Variants in WDR35 observed in about 807,000 individuals in gnomAD.
WDR35 encodes the protein WD repeat-containing protein 35.
WDR35 carries 118 observed loss-of-function variants against 158.3 expected under a neutral mutation model. The ratio of observed to expected loss-of-function variants is 0.75; its 90% CI spans 0.64 to 0.87. The LOEUF is 0.87. Among genes scored for constraint, WDR35 ranks in the 40% least tolerant of loss-of-function variants. WDR35 has a pLI of 0.00. For missense variants in WDR35, 1,263 were observed against 1,405.8 expected, an observed-to-expected ratio of 0.90 and a Z score of 1.62; for synonymous variants, 448 against 476.1, an observed-to-expected ratio of 0.94 and a Z score of 0.77.
intron 10 of WDR35, among the ~76,000 whole-genome samples, chr2:19,965,678 G>C (rs1248656489): frequency 6.6e-6 from 1 of 152,206 alleles, no homozygotes; most frequent in Non-Finnish European, 1.5e-5. Context: ...CTTCAGCGCA[G>C]AGACTCTTTG....
At chr2:19,916,738 T>C (rs563568506) in intron 25 of WDR35, among the ~76,000 whole-genome samples, 11 of 152,308 alleles carry the variant, frequency 7.2e-5, no homozygotes, top group Non-Finnish European at 1.0e-4. Context: ...CAGGGACTTA[T>C]AGATAAAACT....
Position 19,969,748 on chromosome 2 carries a change from A to AT in WDR35, c.883-144dup, listed in dbSNP as rs61079224. The AT allele has an allele frequency of 0.14, 84,783 of 607,242 alleles. 2 individuals are homozygous for AT. Among genetic ancestry groups the AT allele is most frequent in the Non-Finnish European group, 0.15 (61,088 of 395,272 alleles). 37.6% of individuals were successfully genotyped at this position (607,242 alleles called of 1,614,324 possible). On this transcript the variant is annotated intron_variant, in intron 8 of 26. Coordinates refer to ENST00000281405, the MANE Select transcript of WDR35 (RefSeq NM_020779.4). ...GTCACTTTAAAATCATGTTTCTTGA[A>AT]TTTTTTTTTTTTTTTTTGAGACGGA...
chr2:19,956,820 C>T (rs1325903561), intron 11 of WDR35, among the ~76,000 whole-genome samples: 1 of 151,864 alleles, frequency 6.6e-6, no homozygotes, highest in African/African-American at 2.4e-5. Context: ...GGGGTTTCAC[C>T]GTGTTAGCCA....
intron 9 of WDR35, among the ~76,000 whole-genome samples, 182 bp from the exon 10 acceptor site, chr2:19,967,091 G>A (rs906991660): frequency 5.3e-5 from 8 of 152,096 alleles, no homozygotes; most frequent in Non-Finnish European, 1.0e-4. Flanking sequence ...AAATAATAGA[G>A]ATTTATAAAA....
intron 11 of WDR35, 34 bp downstream of exon 11, chr2:19,960,520 A>G (rs374695415): frequency 3.6e-5 from 56 of 1,543,164 alleles, no homozygotes; most frequent in Non-Finnish European, 4.8e-5. Context: ...ATAAAACCTG[A>G]TTGGAAAAGA....
intron 15 of WDR35, 126 bp from the exon 16 acceptor site, chr2:19,946,122 T>C (rs768761627): frequency 2.2e-5 from 23 of 1,039,132 alleles, no homozygotes; most frequent in Non-Finnish European, 3.2e-5. Context: ...ACAGTAGAAA[T>C]GGCTTAAAAT....
rs1016801756 is a variant in WDR35 at position 19,911,479 on chromosome 2, G to C, written c.*2079C>G. The C allele has an allele frequency of 6.6e-6, 1 of 152,158 alleles. No individual in the cohort carries two copies. Among genetic ancestry groups the C allele is most frequent in the Non-Finnish European group, 1.5e-5 (1 of 68,018 alleles). 9.4% of individuals were successfully genotyped at this position (152,158 alleles called of 1,614,324 possible). ...ATAGTCTCATCCCTAAAAACAGAAA[G>C]TCCTGTGGAAAGATGCAAGTTCAAC... On this transcript the variant is annotated 3_prime_UTR_variant, in exon 27 of 27. Coordinates refer to ENST00000281405, the MANE Select transcript of WDR35 (RefSeq NM_020779.4).
chr2:19,982,874 T>C (rs1002465450), intron 2 of WDR35, among the ~76,000 whole-genome samples: 3 of 152,174 alleles, frequency 2.0e-5, no homozygotes, highest in Admixed American at 6.5e-5. Flanking sequence ...CAAAAGAGCA[T>C]AGACTTTGAA....
rs549648027 is a variant in WDR35, at chr2:19,945,912, T to C, written c.1719A>G (p.Val573=). ...GTTCCAATTTTAACAACTCTCCAAC[T>C]ACTTGCTGTCCCGTACTGTCCGTTA... ...ARVTDSTGQQ[V]VGELLKLERR... is the part of the protein sequence containing the mutation. The change falls in exon 16 of 27, where the codon GTA becomes GTG. Residue 573 remains valine, a synonymous_variant. Transcript: ENST00000281405. 6.2e-7 allele frequency: 1 copy of C among 1,614,028 alleles called. No homozygotes were observed. Among genetic ancestry groups the C allele is most frequent in the Admixed American group, 1.7e-5 (1 of 60,024 alleles).
intron 1 of WDR35, 34 bp from the exon 2 acceptor site, chr2:19,989,316 T>C (rs749376887): frequency 3.2e-6 from 5 of 1,577,360 alleles, no homozygotes; most frequent in Non-Finnish European, 1.7e-6. Context: ...CTAGCAACTT[T>C]TCACGAAGGA....
chr2:19,919,158 G>A (rs11096630), intron 25 of WDR35, among the ~76,000 whole-genome samples: 147,615 of 152,136 alleles, frequency 0.97, 71,759 homozygotes, highest in East Asian at 1. Flanking sequence ...AGGCGGGTGG[G>A]TCACGAGGTC....
intron 11 of WDR35, among the ~76,000 whole-genome samples, chr2:19,959,764 T>C (rs1303778271): frequency 6.6e-6 from 1 of 152,068 alleles, no homozygotes; most frequent in Non-Finnish European, 1.5e-5. Flanking sequence ...AAAAAATGAC[T>C]AGTTCTCAGG....
In WDR35 at chr2:19,966,803, T is replaced by A. The variant is rs753429172; in HGVS notation, c.1115A>T (p.Tyr372Phe). The A allele has an allele frequency of 6.2e-7, 1 of 1,613,996 alleles. No homozygotes were observed. The highest frequency in any genetic ancestry group is 1.7e-5 in the Admixed American group (1 of 60,028). ...DTKNNEKYVKYVKGLISITTC... is the reference protein window; with the variant it reads ...DTKNNEKYVKFVKGLISITTC... ...AGTAATAGAAATGAGACCCTTCACA[T>A]ATTTAACATATTTTTCATTGTTTTT... Residue 372 changes from tyrosine (Y) to phenylalanine (F), a missense_variant, in exon 10 of 27, where the codon TAT becomes TTT. Coordinates refer to ENST00000281405, the MANE Select transcript of WDR35 (RefSeq NM_020779.4).
At position 19,914,110 on chromosome 2, in the gene WDR35, G is replaced by A; in HGVS notation, c.3289C>T (p.Leu1097Phe). The change falls in exon 26 of 27, where the codon CTT (leucine) becomes TTT (phenylalanine). Residue 1097 changes from leucine (L) to phenylalanine (F), a missense_variant. By Grantham distance (22) the Leu-to-Phe change is conservative. Transcript: ENST00000281405. ...SSEQKQQYED[L>F]ALEIFTKHTS... The stretch of plus-strand genomic sequence containing the variant: ...TGTTTGGTGAAGATTTCTAAAGCAA[G>A]GTCTTCATACTGCTGTTTCTGTTCT... 3.1e-6 allele frequency: 5 copies of A among 1,614,114 alleles called. No individual in the cohort carries two copies. The highest frequency in any genetic ancestry group is 8.5e-7 in the Non-Finnish European group (1 of 1,179,996).
intron 9 of WDR35, among the ~76,000 whole-genome samples, chr2:19,968,358 T>C (rs1350512985): frequency 6.6e-6 from 1 of 152,224 alleles, no homozygotes; most frequent in African/African-American, 2.4e-5. Flanking sequence ...AACAGGGGCC[T>C]ATGTTCCACC....
chr2:19,921,631 GA>G (rs1224387374), intron 25 of WDR35, among the ~76,000 whole-genome samples: 1 of 152,084 alleles, frequency 6.6e-6, no homozygotes, highest in African/African-American at 2.4e-5. Flanking sequence ...AACCCTAGAA[GA>G]AAACCTAGGC....
intron 8 of WDR35, among the ~76,000 whole-genome samples, chr2:19,970,998 A>G (rs1169506051): frequency 6.6e-6 from 1 of 152,206 alleles, no homozygotes; most frequent in Non-Finnish European, 1.5e-5. Context: ...CTGATAGTCA[A>G]TATATATCTT....
intron 11 of WDR35, among the ~76,000 whole-genome samples, chr2:19,955,099 C>T (rs1671382012): frequency 6.6e-6 from 1 of 152,048 alleles, no homozygotes; most frequent in Admixed American, 6.5e-5. Context: ...ACTACAGGCA[C>T]GCACCACCAC....
chr2:19,960,876 A>C (rs1316539204), intron 10 of WDR35, among the ~76,000 whole-genome samples: 1 of 152,244 alleles, frequency 6.6e-6, no homozygotes, highest in Non-Finnish European at 1.5e-5. Context: ...CACAAGAAAC[A>C]CAAGTACTCT....
Sources: allele counts gnomAD v4.1 joint callset (sites outside exome capture counted in the v4.1 genomes callset), GRCh38; gene constraint gnomAD v4.1.1; transcripts MANE v1.5; gene names NCBI Gene and HGNC (gene_info 2026-07-23, HGNC 2026-07-21).